Variants in CLK4 observed in about 807,000 individuals in gnomAD.
CLK4 encodes dual specificity protein kinase CLK4.
CLK4 carries 37 observed loss-of-function variants against 64.4 expected under a neutral mutation model. That is an observed-to-expected ratio of 0.57 (90% CI 0.44 to 0.76). The LOEUF (loss-of-function observed/expected upper bound fraction) is 0.76, where lower values mean the gene tolerates loss of function less well. CLK4 is among the 30% of genes least tolerant of loss of function. CLK4 has a pLI of 0.00. For synonymous variants in CLK4, 175 were observed against 191.6 expected (o/e 0.91, Z 0.72); for missense variants, 457 against 605.1 (o/e 0.76, Z 2.57).
At chr5:178,604,297 A>G (rs1183542964) in intron 11 of CLK4, 1 of 163,528 alleles carries the variant, frequency 6.1e-6, no homozygotes, top group Non-Finnish European at 1.3e-5. Context: ...GTTTGGAAAT[A>G]CCACCTTGTC....
rs118174702 is a variant in CLK4, at chr5:178,626,335, C to A, written c.-1+611G>T. ...CAAAACCACCAGAAACGCAGGTTCG[C>A]TGCAACAATGTTGTGTTCAGCATAG... On this transcript the variant is annotated intron_variant, in intron 1 of 12. Coordinates refer to ENST00000316308, the MANE Select transcript of CLK4 (RefSeq NM_020666.3). Among the ~76,000 whole-genome samples the A allele has an allele frequency of 7.2e-5, 11 of 152,324 alleles. No individual in the cohort carries two copies. In the East Asian group the frequency reaches 2.1e-3, roughly 29 times the overall value.
chr5:178,617,692 C>T lies in CLK4; in HGVS notation c.385-258G>A, dbSNP rs554908710. 4.6e-5 allele frequency: 13 copies of T among 284,596 alleles called. 1 individual carries two copies. The Admixed American group carries it at 5.2e-4, about 11-fold the overall frequency. 17.6% of individuals were successfully genotyped at this position (284,596 alleles called of 1,614,324 possible). A position where few individuals can be genotyped will look rare whatever the true frequency, so the allele number is the denominator to read the frequency against. On this transcript the variant is annotated intron_variant, in intron 3 of 12. Transcript: ENST00000316308. This position sits in a 1 kb window ranked among gnomAD's most constrained non-coding sequence, Gnocchi z 5.2. ...TTAAAGTGGCAATAGAAAAAAACAA[C>T]ACAATTGTCTCTTTAAAATACTGAT...
In CLK4 at chr5:178,618,561, G is replaced by T; in HGVS notation, c.379C>A (p.Arg127Ser). ...RNRHCSSHQS[R>S]SKSHRRKRSR... ...GAAAACAAAACCAATCATACCGAAC[G>T]TGACTGATGACTTGAACAGTGTCTA... Residue 127 changes from arginine to serine, a missense_variant, in exon 3 of 13, where the codon CGT becomes AGT. Transcript: ENST00000316308. 1.2e-6 allele frequency: 2 copies of T among 1,612,234 alleles called. No individual in the cohort carries two copies. Among genetic ancestry groups the T allele is most frequent in the South Asian group, 1.1e-5 (1 of 90,964 alleles).
chr5:178,615,037 A>G (rs1407601304), intron 5 of CLK4, among the ~76,000 whole-genome samples: 7 of 152,226 alleles, frequency 4.6e-5, no homozygotes, highest in Admixed American at 4.6e-4. Context: ...TAAAGGAAAC[A>G]TTCCAGGCCA....
intron 7 of CLK4, 104 bp from the exon 8 acceptor site, chr5:178,612,994 ATCTT>A: frequency 3.7e-6 from 2 of 538,972 alleles, no homozygotes; most frequent in Non-Finnish European, 6.7e-6. Context: ...GAGACGATTC[ATCTT>A]TACTTGTAAA....
chr5:178,616,545 C>T (rs150866098), intron 5 of CLK4, among the ~76,000 whole-genome samples: 53 of 152,224 alleles, frequency 3.5e-4, no homozygotes, highest in Non-Finnish European at 6.6e-4. Flanking sequence ...CTTGTAATCC[C>T]AACGTTTTGG....
chr5:178,622,324 G>A (rs1201051825), intron 2 of CLK4: 11 of 555,600 alleles, frequency 2.0e-5, no homozygotes, highest in Non-Finnish European at 2.1e-5. Context: ...TGATTTGTCT[G>A]CACTGACTAC....
rs554449408 is a variant in CLK4, at chr5:178,609,061, C to T, written c.1052-603G>A. On this transcript the variant is annotated intron_variant, in intron 9 of 12. Transcript: ENST00000316308. Reference sequence around the variant, plus strand: ...AGAGGGATCTATACATAAACATCGGCGCTGTCTATACATGATTTTATATAC... The same window carrying T: ...AGAGGGATCTATACATAAACATCGGTGCTGTCTATACATGATTTTATATAC... Among the ~76,000 whole-genome samples, 103 of 152,214 alleles carry T rather than the reference C, an allele frequency of 6.8e-4. 2 individuals carry two copies. The highest frequency in any genetic ancestry group is 2.2e-3 in the African/African-American group (91 of 41,546).
chr5:178,620,089 G>A (rs1040776670), intron 2 of CLK4: 2 of 311,442 alleles, frequency 6.4e-6, no homozygotes, highest in African/African-American at 4.3e-5. Context: ...CTACCCAATA[G>A]GGCTAGCATC....
chr5:178,616,155 TCTTGGCTCACCG>T, intron 5 of CLK4, among the ~76,000 whole-genome samples: 1 of 152,278 alleles, frequency 6.6e-6, no homozygotes, highest in South Asian at 2.1e-4. Flanking sequence ...AATGGCACAA[TCTTGGCTCACCG>T]CAACCTCCGC....
chr5:178,607,448 T>TGAC, intron 10 of CLK4, among the ~76,000 whole-genome samples: 1 of 151,632 alleles, frequency 6.6e-6, no homozygotes, highest in African/African-American at 2.4e-5. Context: ...ATGTTCTCAG[T>TGAC]GACGCCTTCT....
intron 1 of CLK4, among the ~76,000 whole-genome samples, chr5:178,626,015 A>G (rs1016458395): frequency 1.3e-5 from 2 of 152,200 alleles, no homozygotes; most frequent in African/African-American, 2.4e-5. Flanking sequence ...TAATGACACA[A>G]TGGATCTCAT....
rs56177248 is a variant in CLK4, at chr5:178,609,734, A to AATAT, written c.1052-1280_1052-1277dup. Among the ~76,000 whole-genome samples, 173 of 141,834 alleles carry AATAT rather than the reference A, an allele frequency of 1.2e-3. 1 individual carries two copies. Among genetic ancestry groups the AATAT allele is most frequent in the Non-Finnish European group, 1.5e-3 (98 of 65,248 alleles). 93.0% of individuals were successfully genotyped at this position (141,834 alleles called of 152,430 possible). ...AAATAAAAAATAATAAAAATTTTAA[A>AATAT]ATATATATATATATATATATATAAA... On this transcript the variant is annotated intron_variant, in intron 9 of 12. Transcript: ENST00000316308.
rs140703998 is a variant in CLK4 at position 178,618,723 on chromosome 5, C to T, written c.217G>A (p.Val73Ile). The T allele has an allele frequency of 2.8e-5, 45 of 1,613,728 alleles. No homozygotes were observed. The highest frequency in any genetic ancestry group is 1.5e-4 in the South Asian group (14 of 91,084). ...NERDYRDRRY[V>I]DEYRNDYCEG... ...CAGTAGTCATTCCTGTATTCGTCAA[C>T]GTATCTCCGGTCCCGATAATCTCGC... The change falls in exon 3 of 13, where the codon GTT (valine) becomes ATT (isoleucine). Residue 73 changes from valine to isoleucine, a missense_variant. By Grantham distance (29) the Val-to-Ile change is conservative (BLOSUM62 3). Coordinates refer to ENST00000316308, the MANE Select transcript of CLK4 (RefSeq NM_020666.3).
At chr5:178,621,691 T>C (rs1262881372) in intron 2 of CLK4, 1 of 152,184 alleles carries the variant, frequency 6.6e-6, no homozygotes, top group Admixed American at 6.5e-5. Context: ...TTGTATAATT[T>C]GGCAAACTCT....
intron 11 of CLK4, 136 bp from the exon 12 acceptor site, chr5:178,604,070 T>C: frequency 1.8e-6 from 1 of 568,052 alleles, no homozygotes; most frequent in Non-Finnish European, 3.0e-6. Context: ...ATACAATTTT[T>C]AAAAACCTCA....
chr5:178,624,205 G>A (rs1487541033), intron 1 of CLK4, among the ~76,000 whole-genome samples: 5 of 152,212 alleles, frequency 3.3e-5, no homozygotes, highest in African/African-American at 7.2e-5. Flanking sequence ...ATTTTAGGCC[G>A]GGTACGGTGG....
rs1352568347 is a variant in CLK4 at position 178,617,424 on chromosome 5, C to T, written c.395G>A (p.Arg132Gln). The change falls in exon 4 of 13, where the codon CGA (arginine) becomes CAA (glutamine). Residue 132 changes from arginine (R) to glutamine (Q), a missense_variant. Physicochemically the swap from Arg to Gln is conservative, Grantham distance 43. Transcript: ENST00000316308. This position sits in a 1 kb window ranked among gnomAD's most constrained non-coding sequence, Gnocchi z 5.2. ...CTCTATACTCCTGGATCTTTTCCTT[C>T]GGTGGCTCTTCTGGAACGGCAAGTG... ...SSHQSRSKSH[R>Q]RKRSRSIEDD... The T allele has an allele frequency of 3.1e-6, 5 of 1,613,560 alleles. No homozygotes were observed. Among genetic ancestry groups the T allele is most frequent in the Non-Finnish European group, 4.2e-6 (5 of 1,179,732 alleles).
rs971284432 is a variant in CLK4 at position 178,621,456 on chromosome 5, C to T, written c.161+1800G>A. Among the ~76,000 whole-genome samples, 5 of 152,188 alleles carry T rather than the reference C, an allele frequency of 3.3e-5. No homozygotes were observed. In the East Asian group the frequency reaches 9.6e-4, roughly 29 times the overall value. Reference sequence around the variant, plus strand: ...AAAGACAAATCATAAAGAAAAGACACTATGCAATATATATATGACAAATGG... The same window carrying T: ...AAAGACAAATCATAAAGAAAAGACATTATGCAATATATATATGACAAATGG... On this transcript the variant is annotated intron_variant, in intron 2 of 12. Transcript: ENST00000316308.
Sources: gnomAD v4.1 joint callset for allele counts (sites outside exome capture counted in the v4.1 genomes callset) on GRCh38, gnomAD v4.1.1 for gene constraint, Gnocchi (gnomAD v3.1) non-coding constraint, MANE v1.5 for transcripts, NCBI Gene and HGNC (gene_info 2026-07-23, HGNC 2026-07-21) for gene names.